STK3: variants seen among roughly 807,000 people sequenced by gnomAD.
STK3 encodes the protein serine/threonine-protein kinase 3.
A neutral mutation model predicts 58.0 loss-of-function variants in STK3; 41 were observed. That is an observed-to-expected ratio of 0.71 (90% CI 0.55 to 0.92). STK3 has a LOEUF of 0.92. Ranked by LOEUF, STK3 falls within the 40% of genes least tolerant of loss-of-function variation. The pLI, the probability that STK3 is intolerant of heterozygous loss-of-function variation, is 0.00. For missense variants in STK3, 479 were observed against 602.7 expected, an observed-to-expected ratio of 0.79 and a Z score of 2.15; for synonymous variants, 170 against 191.0, an observed-to-expected ratio of 0.89 and a Z score of 0.91.
intron 1 of STK3, among the ~76,000 whole-genome samples, chr8:98,445,095 C>T (rs1464653597): frequency 6.6e-6 from 1 of 152,122 alleles, no homozygotes; most frequent in Non-Finnish European, 1.5e-5. Context: ...ACAATGTATT[C>T]ATTTTTTAAA....
chr8:98,508,373 C>G (rs373059470), intron 10 of STK3, among the ~76,000 whole-genome samples: 1 of 152,096 alleles, frequency 6.6e-6, no homozygotes, highest in Non-Finnish European at 1.5e-5. Flanking sequence ...ATAGTTGTGG[C>G]TCATATTGTA....
At chr8:98,576,418 T>C (rs1042509927) in intron 8 of STK3, among the ~76,000 whole-genome samples, 1 of 152,186 alleles carries the variant, frequency 6.6e-6, no homozygotes, top group African/African-American at 2.4e-5. Flanking sequence ...AGAACTGACT[T>C]TTCCTCTTCT....
chr8:98,373,242 T>G (rs1817631771), intron 2 of STK3, among the ~76,000 whole-genome samples: 1 of 152,160 alleles, frequency 6.6e-6, no homozygotes, highest in African/African-American at 2.4e-5. Flanking sequence ...CCTTAACATC[T>G]CCTTCTGTGT....
intron 1 of STK3, among the ~76,000 whole-genome samples, chr8:98,923,430 T>C (rs1839648327): frequency 6.6e-6 from 1 of 152,200 alleles, no homozygotes; most frequent in South Asian, 2.1e-4. Context: ...GCATTGATAG[T>C]TGGCAAAGAT....
intron 8 of STK3, among the ~76,000 whole-genome samples, chr8:98,572,170 AATC>A (rs1169771562): frequency 1.3e-5 from 2 of 152,204 alleles, no homozygotes; most frequent in Non-Finnish European, 2.9e-5. Context: ...GTATTTTAAA[AATC>A]ATCAACTAAG....
chr8:98,585,213 G>A (rs1189623612), intron 7 of STK3, among the ~76,000 whole-genome samples: 2 of 151,194 alleles, frequency 1.3e-5, no homozygotes, highest in Non-Finnish European at 3.0e-5. Flanking sequence ...TTCTTCTAGG[G>A]TTTTTATGGT....
chr8:98,472,875 G>A (rs1821028026), intron 10 of STK3, among the ~76,000 whole-genome samples: 1 of 151,996 alleles, frequency 6.6e-6, no homozygotes, highest in South Asian at 2.1e-4. Context: ...ATCAGAACAT[G>A]AAAAGCTATA....
At position 98,526,914 on chromosome 8, in the gene STK3, T is replaced by C. The variant is rs1327011454; in HGVS notation, c.1145A>G (p.Asn382Ser). The C allele has an allele frequency of 5.2e-6, 8 of 1,539,440 alleles. No individual in the cohort carries two copies. Among genetic ancestry groups the C allele is most frequent in the Admixed American group, 1.9e-5 (1 of 52,858 alleles). Residue 382 changes from asparagine (N) to serine (S), a missense_variant, in exon 10 of 11, where the codon AAT becomes AGT. By Grantham distance (46) the Asn-to-Ser change is conservative. Transcript: ENST00000419617. ...TCTTTGTACTTGTGGTGAGGTTGCA[T>C]TTCCTTAGGTAAACAAAGAACATAA... ...EEEEDGTMKRNATSPQVQRPS... is the reference protein window; with the variant it reads ...EEEEDGTMKRSATSPQVQRPS...
intron 4 of STK3, among the ~76,000 whole-genome samples, chr8:98,719,608 C>T (rs553049141): frequency 1.1e-4 from 16 of 152,156 alleles, no homozygotes; most frequent in Admixed American, 3.3e-4. Flanking sequence ...AGGGTCATTC[C>T]AACTCTATGA....
chr8:98,725,376 C>T (rs925443572), intron 4 of STK3, among the ~76,000 whole-genome samples: 39 of 151,948 alleles, frequency 2.6e-4, no homozygotes, highest in African/African-American at 8.9e-4. Context: ...CTTTTGTACC[C>T]TTTTGTATTA....
At chr8:98,704,419 C>T (rs772934774) in intron 6 of STK3, among the ~76,000 whole-genome samples, 7 of 152,110 alleles carry the variant, frequency 4.6e-5, no homozygotes, top group Non-Finnish European at 1.0e-4. Flanking sequence ...ACTTGATTAA[C>T]TGTCCAAAGA....
At chr8:98,356,310 G>T in the STK3 span, among the ~76,000 whole-genome samples, 2 of 152,168 alleles carry the variant, frequency 1.3e-5, no homozygotes, top group Non-Finnish European at 1.5e-5. Context: ...TTCTTGCTTG[G>T]ACAGGGGTGG....
intron 2 of STK3, among the ~76,000 whole-genome samples, chr8:98,769,441 C>T (rs1311974944): frequency 6.6e-6 from 1 of 152,198 alleles, no homozygotes; most frequent in African/African-American, 2.4e-5. Flanking sequence ...TGCCCGCTGC[C>T]ATCCATGTAC....
intron 6 of STK3, among the ~76,000 whole-genome samples, chr8:98,654,865 C>T (rs572447440): frequency 0.017 from 2,660 of 152,148 alleles, 75 homozygotes; most frequent in African/African-American, 0.061. Context: ...ACATTCCATG[C>T]TCATGGGTAG....
At chr8:98,700,330 T>C (rs1825454806) in intron 6 of STK3, among the ~76,000 whole-genome samples, 1 of 152,240 alleles carries the variant, frequency 6.6e-6, no homozygotes, top group South Asian at 2.1e-4. Flanking sequence ...AGTGAGGCAA[T>C]GCCTCGCCCT....
chr8:98,863,930 C>T (rs1156610493), intron 3 of STK3, among the ~76,000 whole-genome samples: 2 of 152,096 alleles, frequency 1.3e-5, no homozygotes, highest in Non-Finnish European at 2.9e-5. Flanking sequence ...GGCGCGGTGG[C>T]TCACGCCTGT....
At chr8:98,906,046 A>G (rs913511253) in intron 1 of STK3, among the ~76,000 whole-genome samples, 1 of 152,230 alleles carries the variant, frequency 6.6e-6, no homozygotes, top group Non-Finnish European at 1.5e-5. Context: ...TTACACCTCC[A>G]CTTGTTATAG....
intron 1 of STK3, among the ~76,000 whole-genome samples, chr8:98,885,109 T>A (rs972930358): frequency 3.3e-5 from 5 of 152,202 alleles, no homozygotes; most frequent in Non-Finnish European, 7.4e-5. Flanking sequence ...ACTGGCCACA[T>A]TATTATGGAG....
intron 1 of STK3, among the ~76,000 whole-genome samples, chr8:98,892,740 T>C (rs911123455): frequency 5.3e-5 from 8 of 152,362 alleles, no homozygotes; most frequent in Non-Finnish European, 1.5e-5. Flanking sequence ...ATTAGGACTA[T>C]GTATTTCACA....
Sources: gnomAD v4.1 joint callset for allele counts (sites outside exome capture counted in the v4.1 genomes callset) on GRCh38, gnomAD v4.1.1 for gene constraint, MANE v1.5 for transcripts, NCBI Gene and HGNC (gene_info 2026-07-23, HGNC 2026-07-21) for gene names.